ANKRD36: variants seen among roughly 807,000 people sequenced by gnomAD.
ANKRD36 encodes the protein ankyrin repeat domain-containing protein 36A.
In ANKRD36, 179 loss-of-function variants were observed where a neutral mutation model predicts 278.1. The observed-to-expected ratio is 0.64, with a 90% CI of 0.57 to 0.73. The LOEUF (loss-of-function observed/expected upper bound fraction) is 0.73, where lower values mean the gene tolerates loss of function less well. ANKRD36 is among the 30% of genes least tolerant of loss of function. The pLI, the probability that ANKRD36 is intolerant of heterozygous loss-of-function variation, is 0.00. For synonymous variants in ANKRD36, 320 were observed against 641.1 expected (o/e 0.50, Z 7.57); for missense variants, 1,159 against 1,956.7 (o/e 0.59, Z 7.69).
At chr2:97,146,942 T>C (rs2044414335) in intron 11 of ANKRD36, among the ~76,000 whole-genome samples, 1 of 151,970 alleles carries the variant, frequency 6.6e-6, no homozygotes, top group Non-Finnish European at 1.5e-5. Context: ...GAAGCCTAGA[T>C]ACTCCAAAAC....
intron 18 of ANKRD36, chr2:97,163,094 C>T (rs2049471162): frequency 8.6e-6 from 3 of 350,584 alleles, no homozygotes; most frequent in East Asian, 1.6e-4. Flanking sequence ...GGTGAAACCC[C>T]ATCTCTACTA....
intron 40 of ANKRD36, among the ~76,000 whole-genome samples, chr2:97,195,201 G>T (rs1368304581): frequency 1.3e-4 from 20 of 151,934 alleles, no homozygotes; most frequent in Non-Finnish European, 2.2e-4. Flanking sequence ...GCTTTAATTC[G>T]GTAGCATCTT....
At position 97,181,793 on chromosome 2, in the gene ANKRD36, G is replaced by A. The variant is rs1293337404; in HGVS notation, c.1837G>A (p.Val613Met). The part of the protein sequence containing the change: ...EIKKGQQSGT[V>M]SPQKQSAWKV... ...AAAGAAGGGACAACAATCTGGGACA[G>A]GTAATTTTGCAAAACACATTTAATG... The change falls in exon 26 of 76, where the codon GTG becomes ATG. Residue 613 changes from valine to methionine, a missense_variant and splice_region_variant. Val to Met is a conservative substitution (Grantham distance 21). Coordinates refer to ENST00000420699, the MANE Select transcript of ANKRD36 (RefSeq NM_001354587.1). 5.6e-6 allele frequency: 9 copies of A among 1,607,792 alleles called. No homozygotes were observed. Among genetic ancestry groups the A allele is most frequent in the Non-Finnish European group, 6.8e-6 (8 of 1,177,870 alleles).
intron 3 of ANKRD36, among the ~76,000 whole-genome samples, chr2:97,121,246 G>T (rs966622697): frequency 6.6e-6 from 1 of 152,012 alleles, no homozygotes; most frequent in Non-Finnish European, 1.5e-5. Context: ...CTTCCCATTA[G>T]AATGCATGTA....
rs1177263494 is a variant in ANKRD36 at position 97,139,244 on chromosome 2, C to T, written c.800-3396C>T. On this transcript the variant is annotated intron_variant, in intron 6 of 75. Transcript: ENST00000420699. ...CTGAGCTGTTATGGTCTTAGGGTTC[C>T]CTATACTACTAAAACTTATTGATGA... Among the ~76,000 whole-genome samples, 11 of 151,810 alleles carry T rather than the reference C, an allele frequency of 7.2e-5. No homozygotes were observed. The South Asian group carries it at 1.3e-3, about 17-fold the overall frequency.
intron 50 of ANKRD36, among the ~76,000 whole-genome samples, chr2:97,205,080 C>T (rs1452183781): frequency 3.3e-5 from 5 of 151,466 alleles, no homozygotes; most frequent in African/African-American, 7.3e-5. Context: ...ATGATATTGC[C>T]AACAAGGGTA....
At chr2:97,126,680 A>G (rs2038739641) in intron 5 of ANKRD36, among the ~76,000 whole-genome samples, 1 of 151,950 alleles carries the variant, frequency 6.6e-6, no homozygotes, top group Non-Finnish European at 1.5e-5. Context: ...ATGCTGCTTC[A>G]TTAAACCTAT....
At chr2:97,144,211 T>A (rs949998864) in intron 8 of ANKRD36, among the ~76,000 whole-genome samples, 47 of 152,108 alleles carry the variant, frequency 3.1e-4, no homozygotes, top group African/African-American at 1.0e-3. Context: ...CTGCTCTGAT[T>A]TTAGATCACA....
intron 46 of ANKRD36, 60 bp downstream of exon 46, chr2:97,200,585 G>T: frequency 6.5e-7 from 1 of 1,534,468 alleles, no homozygotes; most frequent in Non-Finnish European, 8.7e-7. Flanking sequence ...TCTCTTCCCC[G>T]AATAAATCAG....
At position 97,210,030 on chromosome 2, in the gene ANKRD36, T is replaced by A. The variant is rs141074488; in HGVS notation, c.3367+158T>A. 3.9e-4 allele frequency among the ~76,000 whole-genome samples: 60 copies of A among 151,946 alleles called. No homozygotes were observed. In the East Asian group the frequency reaches 9.9e-3, roughly 25 times the overall value. ...ATAAGTTCTTGTGTGGTGCTGATGC[T>A]GCTGGCCTGGAACATGATCTTCGCT... On this transcript the variant is annotated intron_variant, in intron 56 of 75. Transcript: ENST00000420699.
intron 67 of ANKRD36, among the ~76,000 whole-genome samples, 197 bp from the exon 68 acceptor site, chr2:97,233,533 G>A (rs1174367876): frequency 6.6e-6 from 1 of 152,086 alleles, no homozygotes; most frequent in African/African-American, 2.4e-5. Context: ...CACAGGAACT[G>A]GGAAACTAAT....
At chr2:97,225,886 T>A (rs1245262024) in intron 67 of ANKRD36, among the ~76,000 whole-genome samples, 2 of 151,668 alleles carry the variant, frequency 1.3e-5, no homozygotes, top group Non-Finnish European at 2.9e-5. Flanking sequence ...TTTGGTTTTT[T>A]GTCCTTGCGA....
intron 17 of ANKRD36, among the ~76,000 whole-genome samples, chr2:97,161,416 C>G (rs1034826303): frequency 1.3e-5 from 2 of 152,028 alleles, no homozygotes; most frequent in African/African-American, 2.4e-5. Flanking sequence ...TTAACCATTT[C>G]TCATATCTTA....
chr2:97,149,309 C>T lies in ANKRD36; in HGVS notation c.1049C>T (p.Pro350Leu), dbSNP rs2045270987. ...TTGCTCTGTAGGAGTCTCTACAGAC[C>T]TGATGCTGTTGCACAGCCTGTGACA... The part of the protein sequence containing the change: ...EQCLNRSLYR[P>L]DAVAQPVTEN... The change falls in exon 12 of 76, where the codon CCT (proline) becomes CTT (leucine). Residue 350 changes from proline to leucine, a missense_variant. Coordinates refer to ENST00000420699, the MANE Select transcript of ANKRD36 (RefSeq NM_001354587.1). 2.0e-6 allele frequency: 3 copies of T among 1,534,158 alleles called. No individual in the cohort carries two copies. Among genetic ancestry groups the T allele is most frequent in the Non-Finnish European group, 2.6e-6 (3 of 1,145,430 alleles).
At chr2:97,178,173 A>T (rs1000670043) in intron 22 of ANKRD36, among the ~76,000 whole-genome samples, 7 of 150,922 alleles carry the variant, frequency 4.6e-5, no homozygotes, top group African/African-American at 1.7e-4. Flanking sequence ...AAAAGTCAGG[A>T]AACAACAGGT....
intron 50 of ANKRD36, among the ~76,000 whole-genome samples, chr2:97,204,948 C>T (rs566598572): frequency 8.2e-4 from 124 of 151,458 alleles, no homozygotes; most frequent in Admixed American, 3.4e-3. Context: ...CAGAGATACA[C>T]GTGTTGTTGA....
intron 6 of ANKRD36, among the ~76,000 whole-genome samples, chr2:97,137,895 T>C (rs2041944592): frequency 6.6e-6 from 1 of 152,126 alleles, no homozygotes; most frequent in South Asian, 2.1e-4. Flanking sequence ...GTTGGCTGCA[T>C]AAATGTATTC....
intron 22 of ANKRD36, among the ~76,000 whole-genome samples, chr2:97,173,792 A>G (rs72493426): frequency 6.6e-6 from 1 of 151,802 alleles, no homozygotes; most frequent in Non-Finnish European, 1.5e-5. Flanking sequence ...GGATGAGGGT[A>G]ACCCACAGGG....
intron 58 of ANKRD36, among the ~76,000 whole-genome samples, chr2:97,212,406 T>A (rs1243884341): frequency 1.3e-5 from 2 of 151,832 alleles, no homozygotes; most frequent in Admixed American, 6.6e-5. Context: ...TCTTTAGGAG[T>A]AATTTACTAT....
Sources: gnomAD v4.1 joint callset for allele counts (sites outside exome capture counted in the v4.1 genomes callset) on GRCh38, gnomAD v4.1.1 for gene constraint, MANE v1.5 for transcripts, NCBI Gene and HGNC (gene_info 2026-07-23, HGNC 2026-07-21) for gene names.